Variants in NLGN1 observed in about 807,000 individuals in gnomAD.
NLGN1 encodes the protein neuroligin-1.
A neutral mutation model predicts 65.5 loss-of-function variants in NLGN1; 12 were observed. The observed-to-expected ratio is 0.18, with a 90% CI of 0.12 to 0.30. The LOEUF (loss-of-function observed/expected upper bound fraction) is 0.30. Among genes scored for constraint, NLGN1 ranks in the 10% least tolerant of loss-of-function variants. The probability of loss-of-function intolerance (pLI) is 1.00; values close to 1 mark genes in which losing one functional copy is unlikely to be tolerated. For synonymous variants in NLGN1, 350 were observed against 359.5 expected (o/e 0.97, Z 0.30); for missense variants, 750 against 1,007.1 (o/e 0.74, Z 3.46).
At chr3:173,767,218 A>G (rs1039201233) in intron 3 of NLGN1, among the ~76,000 whole-genome samples, 3 of 152,142 alleles carry the variant, frequency 2.0e-5, no homozygotes, top group Non-Finnish European at 4.4e-5. Context: ...TAAAATTGGT[A>G]CTGAAAACAA....
chr3:174,129,383 ACACACACACACACACACT>A (rs1370789323), intron 4 of NLGN1, among the ~76,000 whole-genome samples: 17 of 150,924 alleles, frequency 1.1e-4, no homozygotes, highest in African/African-American at 3.9e-4. Context: ...ACACACACAC[ACACACACACACACACACT>A]CATTCATTCA....
intron 2 of NLGN1, among the ~76,000 whole-genome samples, chr3:173,473,884 C>T (rs1725739469): frequency 1.3e-5 from 2 of 152,234 alleles, no homozygotes; most frequent in African/African-American, 4.8e-5. Context: ...TTTAATGAGA[C>T]GGCAGATTTC....
chr3:174,228,257 T>G (rs1220620336), intron 4 of NLGN1, among the ~76,000 whole-genome samples: 1 of 152,112 alleles, frequency 6.6e-6, no homozygotes, highest in Non-Finnish European at 1.5e-5. Flanking sequence ...TTTTTTCCAG[T>G]GACTGCTCAT....
chr3:173,750,843 A>AT (rs1776211588), intron 3 of NLGN1, among the ~76,000 whole-genome samples: 1 of 152,016 alleles, frequency 6.6e-6, no homozygotes, highest in Admixed American at 6.6e-5. Flanking sequence ...GTGGAAGAAA[A>AT]TTCAAAGCCG....
chr3:173,405,449 C>T (rs1033814957), intron 1 of NLGN1, among the ~76,000 whole-genome samples: 14 of 151,908 alleles, frequency 9.2e-5, no homozygotes, highest in African/African-American at 2.9e-4. Flanking sequence ...TTATAAAATG[C>T]ACCTTGATTT....
intron 2 of NLGN1, among the ~76,000 whole-genome samples, chr3:173,446,366 T>G (rs1720316233): frequency 6.6e-6 from 1 of 152,204 alleles, no homozygotes; most frequent in African/African-American, 2.4e-5. Flanking sequence ...GTTTCCAGCT[T>G]CATCCATGTC....
intron 2 of NLGN1, among the ~76,000 whole-genome samples, chr3:173,597,526 C>T (rs1023946388): frequency 6.6e-6 from 1 of 151,980 alleles, no homozygotes; most frequent in African/African-American, 2.4e-5. Flanking sequence ...TCTTTTACAC[C>T]AATTCATTCA....
chr3:174,218,317 T>G (rs1267430462), intron 4 of NLGN1, among the ~76,000 whole-genome samples: 3 of 151,974 alleles, frequency 2.0e-5, no homozygotes, highest in Non-Finnish European at 2.9e-5. Context: ...CCAGTACAAT[T>G]TTTTTTTTCC....
rs530489812 is a variant in NLGN1, at chr3:174,114,359, C to A, written c.647-160956C>A. ...ATACTAACCTATGAATATCAACTTA[C>A]AGCCCCCAGTAATGTGAGTGAAGCT... On this transcript the variant is annotated intron_variant, in intron 4 of 6. Transcript: ENST00000457714. Among the ~76,000 whole-genome samples the A allele has an allele frequency of 2.4e-3, 368 of 152,274 alleles. 1 individual carries two copies. Among genetic ancestry groups the A allele is most frequent in the African/African-American group, 8.4e-3 (351 of 41,568 alleles).
intron 4 of NLGN1, among the ~76,000 whole-genome samples, chr3:174,119,657 A>G (rs1041675489): frequency 7.9e-5 from 12 of 152,232 alleles, no homozygotes; most frequent in African/African-American, 2.9e-4. Flanking sequence ...TTACTATACA[A>G]CTTACTTAGA....
At chr3:174,080,066 A>G (rs1248603755) in intron 4 of NLGN1, among the ~76,000 whole-genome samples, 1 of 152,186 alleles carries the variant, frequency 6.6e-6, no homozygotes, top group Non-Finnish European at 1.5e-5. Flanking sequence ...AAGATAAACA[A>G]TGGAAAAAAA....
chr3:174,140,384 A>G lies in NLGN1; in HGVS notation c.647-134931A>G, dbSNP rs115713121. Among the ~76,000 whole-genome samples the G allele has an allele frequency of 7.9e-3, 1,196 of 152,252 alleles. 4 individuals are homozygous for G. The highest frequency in any genetic ancestry group is 0.031 in the Middle Eastern group (9 of 294). ...AATTAATCTTTATTCTTAAAGTTTC[A>G]TAGTTTGGGTAAATGGTAGTAATAT... On this transcript the variant is annotated intron_variant, in intron 4 of 6. Transcript: ENST00000457714.
intron 4 of NLGN1, among the ~76,000 whole-genome samples, chr3:173,982,212 A>G (rs982415057): frequency 1.3e-5 from 2 of 152,144 alleles, no homozygotes; most frequent in African/African-American, 4.8e-5. Flanking sequence ...TTGGTTTGGT[A>G]TAAATATTAA....
intron 4 of NLGN1, among the ~76,000 whole-genome samples, chr3:173,842,469 C>T (rs957475450): frequency 2.0e-5 from 3 of 152,140 alleles, no homozygotes; most frequent in African/African-American, 7.2e-5. Context: ...TGCCTATGAG[C>T]CTGTAAAATC....
chr3:173,588,076 GAAAT>G (rs1371371703), intron 2 of NLGN1, among the ~76,000 whole-genome samples: 2 of 151,974 alleles, frequency 1.3e-5, no homozygotes, highest in African/African-American at 4.8e-5. Context: ...GCTTTATTGA[GAAAT>G]AAAAAAGAAC....
At chr3:173,412,012 C>G (rs1712676502) in intron 1 of NLGN1, among the ~76,000 whole-genome samples, 2 of 152,148 alleles carry the variant, frequency 1.3e-5, no homozygotes, top group Admixed American at 1.3e-4. Context: ...AATTATGGGA[C>G]TAGTAGCAAC....
chr3:174,233,653 G>A (rs913068457), intron 4 of NLGN1, among the ~76,000 whole-genome samples: 3 of 152,082 alleles, frequency 2.0e-5, no homozygotes, highest in African/African-American at 4.8e-5. Flanking sequence ...GTAATCGGGA[G>A]GCATTCTGGG....
chr3:173,588,085 A>T (rs191025249), intron 2 of NLGN1, among the ~76,000 whole-genome samples: 1 of 152,216 alleles, frequency 6.6e-6, no homozygotes, highest in African/African-American at 2.4e-5. Context: ...AGAAATAAAA[A>T]AGAACAAAAA....
chr3:174,255,435 C>CAAA lies in NLGN1; in HGVS notation c.647-19861_647-19859dup, dbSNP rs71162383. 8.4e-3 allele frequency among the ~76,000 whole-genome samples: 592 copies of CAAA among 70,222 alleles called. 50 individuals carry two copies. Among genetic ancestry groups the CAAA allele is most frequent in the East Asian group, 0.073 (163 of 2,238 alleles). The allele number at this position is 70,222 out of a possible 152,430, so 46.1% of individuals were successfully genotyped here. On this transcript the variant is annotated intron_variant, in intron 4 of 6. Coordinates refer to ENST00000457714, the Ensembl canonical transcript of NLGN1. Reference sequence around the variant, plus strand: ...TAGGCGATAGAGCAAGACTCTGTCTCAAAAAAAAAAAAAAAAAAAAAGCGC... The same window carrying CAAA: ...TAGGCGATAGAGCAAGACTCTGTCTCAAAAAAAAAAAAAAAAAAAAAAAAGCGC...
Sources: allele counts gnomAD v4.1 joint callset (sites outside exome capture counted in the v4.1 genomes callset), GRCh38; gene constraint gnomAD v4.1.1; transcripts MANE v1.5; gene names NCBI Gene and HGNC (gene_info 2026-07-23, HGNC 2026-07-21).